The following KIAA1328 variants were observed in gnomAD, a reference collection of about 807,000 sequenced individuals.
The protein encoded by KIAA1328 is KIAA1328.
In KIAA1328, 52 loss-of-function variants were observed where a neutral mutation model predicts 68.1. That is an observed-to-expected ratio of 0.76 (90% confidence interval 0.61 to 0.96). The LOEUF (loss-of-function observed/expected upper bound fraction) is 0.96, where lower values mean the gene tolerates loss of function less well. Ranked by LOEUF, KIAA1328 falls within the 40% of genes least tolerant of loss-of-function variation. KIAA1328 has a pLI of 0.00. For synonymous variants in KIAA1328, 232 were observed against 239.4 expected (o/e 0.97, Z 0.28); for missense variants, 641 against 677.6 (o/e 0.95, Z 0.60).
At chr18:37,017,047 G>A (rs1168831319) in intron 6 of KIAA1328, among the ~76,000 whole-genome samples, 1 of 151,962 alleles carries the variant, frequency 6.6e-6, no homozygotes. Context: ...AGTTCCTCTA[G>A]GTGTGATGTT....
chr18:37,006,354 T>A (rs1406128929), intron 6 of KIAA1328, among the ~76,000 whole-genome samples: 1 of 151,998 alleles, frequency 6.6e-6, no homozygotes, highest in Non-Finnish European at 1.5e-5. Context: ...AGGAGAAAAT[T>A]TTACACATAA....
At chr18:37,090,152 C>A (rs926151205) in intron 7 of KIAA1328, among the ~76,000 whole-genome samples, 1 of 152,112 alleles carries the variant, frequency 6.6e-6, no homozygotes, top group African/African-American at 2.4e-5. Flanking sequence ...TCAAAATGAA[C>A]TGTTAATTAT....
intron 9 of KIAA1328, among the ~76,000 whole-genome samples, chr18:37,181,140 A>G (rs961242604): frequency 1.1e-4 from 16 of 152,174 alleles, no homozygotes; most frequent in Non-Finnish European, 1.5e-5. Flanking sequence ...ACTATACACA[A>G]AGTAACATTA....
intron 4 of KIAA1328, among the ~76,000 whole-genome samples, chr18:36,855,095 T>C (rs997423508): frequency 1.3e-5 from 2 of 152,204 alleles, no homozygotes; most frequent in African/African-American, 4.8e-5. Flanking sequence ...TTGACTATTG[T>C]GTATGGTGCT....
chr18:36,979,952 T>C (rs536154147), intron 6 of KIAA1328, among the ~76,000 whole-genome samples: 1 of 152,138 alleles, frequency 6.6e-6, no homozygotes, highest in Admixed American at 6.5e-5. Context: ...ATTTAGGTCA[T>C]GAGGGTCTCA....
At chr18:37,129,617 G>T (rs1345874726) in intron 7 of KIAA1328, among the ~76,000 whole-genome samples, 1 of 152,112 alleles carries the variant, frequency 6.6e-6, no homozygotes. Context: ...TCTTTCTTCC[G>T]GTGGAAGAGA....
intron 4 of KIAA1328, among the ~76,000 whole-genome samples, chr18:36,864,594 GTT>G (rs80149272): frequency 3.0e-4 from 39 of 129,832 alleles, no homozygotes; most frequent in African/African-American, 6.8e-4. Context: ...GTGGTCAGTA[GTT>G]TTTTTTTTTT....
intron 7 of KIAA1328, among the ~76,000 whole-genome samples, chr18:37,098,695 G>T (rs578143016): frequency 3.3e-5 from 5 of 152,018 alleles, no homozygotes; most frequent in African/African-American, 7.2e-5. Context: ...CTGTGAATCC[G>T]TCTGGTCCTG....
intron 6 of KIAA1328, 105 bp from the exon 7 acceptor site, chr18:37,066,785 C>T (rs895800407): frequency 4.7e-6 from 5 of 1,068,740 alleles, no homozygotes; most frequent in Non-Finnish European, 5.3e-6. Flanking sequence ...GACAAAACAA[C>T]AGCTTTGGCT....
intron 5 of KIAA1328, among the ~76,000 whole-genome samples, chr18:36,902,723 C>T (rs1199958780): frequency 6.6e-6 from 1 of 151,972 alleles, no homozygotes; most frequent in Non-Finnish European, 1.5e-5. Flanking sequence ...AACACAATTA[C>T]CACCTCTTTT....
intron 7 of KIAA1328, among the ~76,000 whole-genome samples, chr18:37,070,423 A>G (rs933233574): frequency 6.6e-5 from 10 of 152,106 alleles, no homozygotes; most frequent in Non-Finnish European, 1.5e-4. Flanking sequence ...TCCAAGTACA[A>G]TTGTGATATA....
At chr18:36,994,554 C>T (rs1257522007) in intron 6 of KIAA1328, among the ~76,000 whole-genome samples, 2 of 152,146 alleles carry the variant, frequency 1.3e-5, no homozygotes, top group East Asian at 3.8e-4. Context: ...AAAACTTAAG[C>T]ACTGTAGTTT....
At chr18:37,076,650 A>C (rs1414554328) in intron 7 of KIAA1328, among the ~76,000 whole-genome samples, 2 of 151,892 alleles carry the variant, frequency 1.3e-5, no homozygotes, top group African/African-American at 4.8e-5. Flanking sequence ...GATCAAGGGG[A>C]TATCACCACC....
chr18:37,101,108 G>T (rs373958843), intron 7 of KIAA1328, among the ~76,000 whole-genome samples: 16 of 152,156 alleles, frequency 1.1e-4, no homozygotes, highest in African/African-American at 2.9e-4. Flanking sequence ...ATATCAGAGC[G>T]CCTCTCCTCC....
At chr18:37,165,445 G>A (rs902818014) in intron 8 of KIAA1328, among the ~76,000 whole-genome samples, 93 of 151,606 alleles carry the variant, frequency 6.1e-4, no homozygotes, top group African/African-American at 1.9e-3. Flanking sequence ...TTGAGAAGCA[G>A]TCTTGCCCTT....
At chr18:36,887,831 T>C (rs1240741192) in intron 5 of KIAA1328, among the ~76,000 whole-genome samples, 2 of 151,978 alleles carry the variant, frequency 1.3e-5, no homozygotes, top group African/African-American at 4.8e-5. Context: ...GCTTTAACCT[T>C]CCTGGGACAA....
At chr18:36,908,864 A>T (rs1000850315) in intron 5 of KIAA1328, among the ~76,000 whole-genome samples, 1 of 152,190 alleles carries the variant, frequency 6.6e-6, no homozygotes, top group Non-Finnish European at 1.5e-5. Context: ...AATGTACAGC[A>T]TTATGAAATG....
chr18:36,838,232 AT>A (rs1304867620), intron 3 of KIAA1328, among the ~76,000 whole-genome samples: 1 of 152,190 alleles, frequency 6.6e-6, no homozygotes, highest in Admixed American at 6.5e-5. Context: ...TTTTCTCTAT[AT>A]AAGATGAAGT....
intron 9 of KIAA1328, among the ~76,000 whole-genome samples, chr18:37,188,502 G>C (rs1310824605): frequency 1.3e-5 from 2 of 152,212 alleles, no homozygotes; most frequent in South Asian, 2.1e-4. Flanking sequence ...GAAACCACTA[G>C]AACAGTGGAA....
Sources: gnomAD v4.1 joint callset for allele counts (sites outside exome capture counted in the v4.1 genomes callset) on GRCh38, gnomAD v4.1.1 for gene constraint, MANE v1.5 for transcripts, NCBI Gene and HGNC (gene_info 2026-07-23, HGNC 2026-07-21) for gene names.